CDH13: variants seen among roughly 807,000 people sequenced by gnomAD.
CDH13 encodes cadherin-13.
In CDH13, 24 loss-of-function variants were observed where a neutral mutation model predicts 63.8. The observed-to-expected ratio is 0.38, with a 90% CI of 0.27 to 0.53. The LOEUF (loss-of-function observed/expected upper bound fraction) is 0.53, where lower values mean the gene tolerates loss of function less well. Among genes scored for constraint, CDH13 ranks in the 20% least tolerant of loss-of-function variants. CDH13 has a pLI of 0.85. For synonymous variants in CDH13, 503 were observed against 355.3 expected (o/e 1.42, Z -4.67); for missense variants, 1,049 against 903.1 (o/e 1.16, Z -2.07).
intron 7 of CDH13, among the ~76,000 whole-genome samples, chr16:83,542,977 C>T (rs2075321233): frequency 6.6e-6 from 1 of 152,218 alleles, no homozygotes; most frequent in African/African-American, 2.4e-5. Flanking sequence ...CAACTTACAA[C>T]AGCAAGTGAT....
At chr16:82,918,081 C>T (rs1244114584) in intron 2 of CDH13, among the ~76,000 whole-genome samples, 2 of 152,152 alleles carry the variant, frequency 1.3e-5, no homozygotes, top group Non-Finnish European at 2.9e-5. Flanking sequence ...GTGCACAAAC[C>T]TGCTGCGAGG....
chr16:82,760,370 G>T (rs2034786622), intron 1 of CDH13, among the ~76,000 whole-genome samples: 1 of 152,144 alleles, frequency 6.6e-6, no homozygotes, highest in Admixed American at 6.5e-5. Context: ...CCACATCATA[G>T]TCATTTGATA....
At chr16:83,477,854 T>C (rs985328677) in intron 6 of CDH13, among the ~76,000 whole-genome samples, 1 of 152,110 alleles carries the variant, frequency 6.6e-6, no homozygotes, top group Non-Finnish European at 1.5e-5. Flanking sequence ...TTTGAACTAG[T>C]GTCTAAAAAT....
At chr16:83,311,888 A>G (rs559517349) in intron 5 of CDH13, among the ~76,000 whole-genome samples, 6 of 152,044 alleles carry the variant, frequency 3.9e-5, no homozygotes, top group Non-Finnish European at 7.4e-5. Context: ...CAACCTGACC[A>G]AAATGGAGAA....
intron 4 of CDH13, among the ~76,000 whole-genome samples, chr16:83,216,877 T>C (rs2039551141): frequency 6.6e-6 from 1 of 151,994 alleles, no homozygotes; most frequent in Admixed American, 6.6e-5. Flanking sequence ...CTCTGCACCA[T>C]GCCTAGTACC....
At chr16:83,306,508 T>C (rs2089882781) in intron 5 of CDH13, among the ~76,000 whole-genome samples, 2 of 152,196 alleles carry the variant, frequency 1.3e-5, no homozygotes, top group South Asian at 4.1e-4. Context: ...ATGTGCCCAC[T>C]TCCCCTTTGA....
At chr16:83,156,671 T>TTGAC (rs1444019881) in intron 4 of CDH13, among the ~76,000 whole-genome samples, 2 of 152,246 alleles carry the variant, frequency 1.3e-5, no homozygotes, top group Admixed American at 1.3e-4. Flanking sequence ...CTGCCAGGGC[T>TTGAC]TGACTTCTGC....
At chr16:83,073,425 A>T (rs1385820281) in intron 3 of CDH13, among the ~76,000 whole-genome samples, 1 of 151,758 alleles carries the variant, frequency 6.6e-6, no homozygotes, top group Non-Finnish European at 1.5e-5. Flanking sequence ...ATTAAACAGA[A>T]TATTGGAATC....
chr16:83,732,076 C>G (rs529675312), intron 10 of CDH13, among the ~76,000 whole-genome samples: 1 of 152,116 alleles, frequency 6.6e-6, no homozygotes, highest in Non-Finnish European at 1.5e-5. Context: ...CACTGTGAGC[C>G]GGGTCCTAAC....
intron 5 of CDH13, among the ~76,000 whole-genome samples, chr16:83,282,857 A>G (rs549659581): frequency 3.3e-5 from 5 of 152,186 alleles, no homozygotes; most frequent in South Asian, 2.1e-4. Context: ...CTATTGAGCA[A>G]TTGACCTCTG....
At chr16:82,632,319 T>C (rs146549102) in intron 1 of CDH13, among the ~76,000 whole-genome samples, 1 of 152,210 alleles carries the variant, frequency 6.6e-6, no homozygotes, top group South Asian at 2.1e-4. Flanking sequence ...ATGGACTATT[T>C]GGAAAGGGAG....
chr16:83,322,284 G>A (rs1467385720), intron 5 of CDH13, among the ~76,000 whole-genome samples: 2 of 152,178 alleles, frequency 1.3e-5, no homozygotes, highest in Admixed American at 6.5e-5. Flanking sequence ...AATGATTTGC[G>A]AGGCAGAGCG....
intron 1 of CDH13, among the ~76,000 whole-genome samples, chr16:82,640,401 G>A (rs1376211842): frequency 4.6e-5 from 7 of 152,090 alleles, no homozygotes; most frequent in Non-Finnish European, 8.8e-5. Flanking sequence ...TTACGAATAT[G>A]GCAACTAATG....
At position 83,667,819 on chromosome 16, in the gene CDH13, G is replaced by A. The variant is rs1369135232; in HGVS notation, c.1102-2971G>A. Among the ~76,000 whole-genome samples, 3 of 151,658 alleles carry A rather than the reference G, an allele frequency of 2.0e-5. No individual in the cohort carries two copies. The East Asian group carries it at 5.8e-4, about 29-fold the overall frequency. On this transcript the variant is annotated intron_variant, in intron 8 of 13. Transcript: ENST00000567109. ...ACGACAGGCACGTGCCACCACACCT[G>A]GCTAATTTTTTACATTTTTTTTTAG... is the stretch of plus-strand genomic sequence containing the variant.
intron 1 of CDH13, chr16:82,639,556 C>A: frequency 1.3e-6 from 1 of 791,736 alleles, no homozygotes; most frequent in Non-Finnish European, 2.1e-6. Flanking sequence ...GTGCTTCCTG[C>A]AAGCTACTCT....
intron 10 of CDH13, among the ~76,000 whole-genome samples, chr16:83,706,993 G>T (rs1907176087): frequency 6.6e-6 from 1 of 152,178 alleles, no homozygotes; most frequent in African/African-American, 2.4e-5. Flanking sequence ...AAGGCTACAT[G>T]AAGAATGGGG....
At chr16:83,076,064 C>T (rs1428148073) in intron 3 of CDH13, among the ~76,000 whole-genome samples, 1 of 152,098 alleles carries the variant, frequency 6.6e-6, no homozygotes, top group Non-Finnish European at 1.5e-5. Context: ...AACGTGAGTT[C>T]TGCTGATTCC....
intron 10 of CDH13, among the ~76,000 whole-genome samples, chr16:83,683,631 T>C (rs910446452): frequency 6.6e-6 from 1 of 152,252 alleles, no homozygotes; most frequent in African/African-American, 2.4e-5. Flanking sequence ...TGTTGTTGAC[T>C]ATTTACATTG....
At chr16:82,659,882 A>C (rs1374147042) in intron 1 of CDH13, among the ~76,000 whole-genome samples, 1 of 152,142 alleles carries the variant, frequency 6.6e-6, no homozygotes, top group Non-Finnish European at 1.5e-5. Context: ...TGGAAGCCCC[A>C]TCCTCACTGT....
Sources: allele counts gnomAD v4.1 joint callset (sites outside exome capture counted in the v4.1 genomes callset), GRCh38; gene constraint gnomAD v4.1.1; transcripts MANE v1.5; gene names NCBI Gene and HGNC (gene_info 2026-07-23, HGNC 2026-07-21).